Variants in TUSC3 observed in about 807,000 individuals in gnomAD.
TUSC3 encodes dolichyl-diphosphooligosaccharide--protein glycosyltransferase subunit TUSC3.
In TUSC3, 45 loss-of-function variants were observed where a neutral mutation model predicts 44.8. The observed-to-expected ratio is 1.00, with a 90% confidence interval of 0.79 to 1.29. TUSC3 has a LOEUF of 1.29. Ranked by LOEUF, TUSC3 falls within the 50% of genes most tolerant of loss-of-function variation. The probability of loss-of-function intolerance (pLI) is 0.00; values close to 1 mark genes in which losing one functional copy is unlikely to be tolerated. For missense variants in TUSC3, 519 were observed against 437.9 expected, an observed-to-expected ratio of 1.19 and a Z score of -1.65; for synonymous variants, 212 against 152.9, an observed-to-expected ratio of 1.39 and a Z score of -2.85.
intron 3 of TUSC3, among the ~76,000 whole-genome samples, chr8:15,659,156 A>G (rs952550703): frequency 2.0e-5 from 3 of 152,160 alleles, no homozygotes; most frequent in African/African-American, 4.8e-5. Flanking sequence ...TAATTCATGT[A>G]CTGCCAAACT....
At chr8:15,603,229 C>T (rs549155308) in intron 1 of TUSC3, among the ~76,000 whole-genome samples, 3 of 151,756 alleles carry the variant, frequency 2.0e-5, no homozygotes, top group Admixed American at 6.6e-5. Context: ...CAGAGTTTAT[C>T]ACTGGAACCT....
chr8:15,513,462 C>T (rs909400034), intron 2 of TUSC3, among the ~76,000 whole-genome samples: 1 of 152,214 alleles, frequency 6.6e-6, no homozygotes, highest in Admixed American at 6.5e-5. Context: ...AAAATCTAAT[C>T]TAATTTAATA....
Position 15,430,987 on chromosome 8 carries a change from A to G in TUSC3, n.91+13682A>G, listed in dbSNP as rs751247783. 3.8e-4 allele frequency among the ~76,000 whole-genome samples: 58 copies of G among 151,722 alleles called. 2 individuals carry two copies. The highest frequency in any genetic ancestry group is 5.9e-4 in the Non-Finnish European group (40 of 68,032). On this transcript the variant is annotated intron_variant and non_coding_transcript_variant, in intron 1 of 5. Coordinates refer to the TUSC3 transcript ENST00000503191. Reference sequence around the variant, plus strand: ...TATTGTAATCTTTGGTTAAAGGTGAAGTGATACATGTCTAAGAATATTTCT... The same window carrying G: ...TATTGTAATCTTTGGTTAAAGGTGAGGTGATACATGTCTAAGAATATTTCT...
At chr8:15,452,366 A>G (rs1800205444) in intron 1 of TUSC3, among the ~76,000 whole-genome samples, 1 of 152,208 alleles carries the variant, frequency 6.6e-6, no homozygotes, top group South Asian at 2.1e-4. Flanking sequence ...ATTAAATAGC[A>G]AAAGATCAAA....
the TUSC3 span, among the ~76,000 whole-genome samples, chr8:15,821,941 G>A: frequency 2.0e-5 from 3 of 152,270 alleles, no homozygotes; most frequent in South Asian, 6.2e-4. Flanking sequence ...TAAAGAGGGT[G>A]ACCTCTTGGG....
chr8:15,569,805 A>C (rs1020432559), intron 1 of TUSC3, among the ~76,000 whole-genome samples: 2 of 152,114 alleles, frequency 1.3e-5, no homozygotes, highest in African/African-American at 4.8e-5. Context: ...TTGTATTCAA[A>C]TACCGTGTCA....
intron 1 of TUSC3, among the ~76,000 whole-genome samples, chr8:15,471,347 T>G (rs1248658529): frequency 6.6e-6 from 1 of 152,206 alleles, no homozygotes; most frequent in Non-Finnish European, 1.5e-5. Context: ...TAATATAAAT[T>G]ATTTTTTGTA....
chr8:15,505,360 C>A (rs779384323), intron 2 of TUSC3, among the ~76,000 whole-genome samples: 43 of 152,188 alleles, frequency 2.8e-4, no homozygotes, highest in Non-Finnish European at 5.4e-4. Flanking sequence ...TGGCATTGTG[C>A]CAAGTCTTGT....
At chr8:15,604,474 A>G (rs1804433562) in intron 1 of TUSC3, among the ~76,000 whole-genome samples, 1 of 151,670 alleles carries the variant, frequency 6.6e-6, no homozygotes, top group Admixed American at 6.6e-5. Flanking sequence ...TAGTTCCCCA[A>G]ATTCTCAAAA....
chr8:15,817,829 C>A, the TUSC3 span, among the ~76,000 whole-genome samples: 1 of 152,126 alleles, frequency 6.6e-6, no homozygotes, highest in Admixed American at 6.6e-5. Flanking sequence ...TGTCCCCAAA[C>A]TATGTGTCAC....
chr8:15,666,671 A>G (rs1320903079), intron 5 of TUSC3, among the ~76,000 whole-genome samples: 1 of 151,392 alleles, frequency 6.6e-6, no homozygotes, highest in African/African-American at 2.4e-5. Context: ...CTTTTAGTAT[A>G]TACATATAAT....
chr8:15,550,137 A>C (rs950556177), intron 1 of TUSC3, among the ~76,000 whole-genome samples: 1 of 151,812 alleles, frequency 6.6e-6, no homozygotes, highest in African/African-American at 2.4e-5. Flanking sequence ...GTCTGTAATC[A>C]TAGCCGATTA....
chr8:15,818,283 A>G, the TUSC3 span, among the ~76,000 whole-genome samples: 2 of 152,158 alleles, frequency 1.3e-5, no homozygotes, highest in Non-Finnish European at 2.9e-5. Flanking sequence ...AGCAAATACC[A>G]TGTAAAGATT....
the TUSC3 span, among the ~76,000 whole-genome samples, chr8:15,835,204 C>T: frequency 6.6e-6 from 1 of 152,134 alleles, no homozygotes; most frequent in Non-Finnish European, 1.5e-5. Flanking sequence ...AGAAAATCAT[C>T]CTTTACATTC....
intron 6 of TUSC3, among the ~76,000 whole-genome samples, chr8:15,710,836 A>G (rs545538327): frequency 6.8e-6 from 1 of 147,786 alleles, no homozygotes; most frequent in South Asian, 2.1e-4. Flanking sequence ...ATAAATATAT[A>G]TATATTCACT....
At chr8:15,745,957 C>A (rs1811396258) in intron 8 of TUSC3, among the ~76,000 whole-genome samples, 2 of 151,940 alleles carry the variant, frequency 1.3e-5, no homozygotes, top group Admixed American at 6.6e-5. Context: ...GGGTAGGGGC[C>A]AAGTTTCATT....
In TUSC3 at chr8:15,442,377, A is replaced by G. The variant is rs1044639353; in HGVS notation, n.91+25072A>G. Reference sequence around the variant, plus strand: ...TTTATTTGATAAATAATAGGAAAGAATAAAGAGTAGAAAAAAGGTAAAGTT... The same window carrying G: ...TTTATTTGATAAATAATAGGAAAGAGTAAAGAGTAGAAAAAAGGTAAAGTT... On this transcript the variant is annotated intron_variant and non_coding_transcript_variant, in intron 1 of 5. Coordinates refer to the TUSC3 transcript ENST00000503191. Among the ~76,000 whole-genome samples, 6 of 152,314 alleles carry G rather than the reference A, an allele frequency of 3.9e-5. No homozygotes were observed. The East Asian group carries it at 1.2e-3, about 29-fold the overall frequency.
intron 6 of TUSC3, among the ~76,000 whole-genome samples, chr8:15,692,046 G>T (rs1424929005): frequency 2.6e-5 from 4 of 152,230 alleles, no homozygotes; most frequent in African/African-American, 9.6e-5. Context: ...TTCCCAAAGT[G>T]CTGGGATTTC....
At chr8:15,452,196 A>G (rs12543949) in intron 1 of TUSC3, among the ~76,000 whole-genome samples, 45,805 of 152,146 alleles carry the variant, frequency 0.3, 8,249 homozygotes, top group Middle Eastern at 0.46. Context: ...CTATAATTTC[A>G]CATTTAATTT....
Sources: allele counts gnomAD v4.1 joint callset (sites outside exome capture counted in the v4.1 genomes callset), GRCh38; gene constraint gnomAD v4.1.1; transcripts MANE v1.5; gene names NCBI Gene and HGNC (gene_info 2026-07-23, HGNC 2026-07-21).